CLASP2: variants seen among roughly 807,000 people sequenced by gnomAD.
CLASP2 encodes cytoplasmic linker associated protein 2, also known as CLIP-associating protein 2.
A neutral mutation model predicts 194.4 loss-of-function variants in CLASP2; 47 were observed. The observed-to-expected ratio is 0.24, with a 90% CI of 0.19 to 0.31. The LOEUF (loss-of-function observed/expected upper bound fraction) is 0.31. CLASP2 is among the 10% of genes least tolerant of loss of function. CLASP2 has a pLI of 1.00. For missense variants in CLASP2, 1,445 were observed against 1,823.6 expected (o/e 0.79, Z 3.78); for synonymous variants, 619 against 633.5 (o/e 0.98, Z 0.34).
intron 18 of CLASP2, among the ~76,000 whole-genome samples, chr3:33,602,220 G>C (rs1405320108): frequency 6.6e-6 from 1 of 151,992 alleles, no homozygotes; most frequent in East Asian, 1.9e-4. Flanking sequence ...TGCCACTTTG[G>C]CCAGGCTGGT....
chr3:33,709,251 C>A (rs2092882530), intron 1 of CLASP2, among the ~76,000 whole-genome samples: 1 of 152,094 alleles, frequency 6.6e-6, no homozygotes, highest in South Asian at 2.1e-4. Flanking sequence ...GCATTTAAGT[C>A]TTTAATCCAT....
chr3:33,625,227 A>C (rs1436573287), intron 10 of CLASP2, among the ~76,000 whole-genome samples: 2 of 151,466 alleles, frequency 1.3e-5, no homozygotes, highest in Non-Finnish European at 2.9e-5. Context: ...GCATTAGGAG[A>C]TATAACTAAT....
At chr3:33,674,445 T>C (rs1216291861) in intron 6 of CLASP2, among the ~76,000 whole-genome samples, 1 of 147,172 alleles carries the variant, frequency 6.8e-6, no homozygotes, top group Non-Finnish European at 1.5e-5. Context: ...TTCAAAGCAG[T>C]GTGTAGAGGG....
chr3:33,671,950 T>C (rs1431786257), intron 6 of CLASP2, among the ~76,000 whole-genome samples: 1 of 152,188 alleles, frequency 6.6e-6, no homozygotes, highest in Non-Finnish European at 1.5e-5. Context: ...AAGCTCCAAC[T>C]GGGTGGAGCC....
At chr3:33,567,037 G>A (rs2062864550) in intron 26 of CLASP2, among the ~76,000 whole-genome samples, 3 of 152,138 alleles carry the variant, frequency 2.0e-5, no homozygotes, top group African/African-American at 7.2e-5. Context: ...AATCCTTGAG[G>A]TTAAACATCT....
intron 6 of CLASP2, among the ~76,000 whole-genome samples, chr3:33,678,417 C>G (rs1228849316): frequency 1.3e-5 from 2 of 152,088 alleles, no homozygotes; most frequent in Non-Finnish European, 2.9e-5. Context: ...AAGATAAAAA[C>G]TACATCCCAC....
At chr3:33,668,213 C>T (rs2086550021) in intron 6 of CLASP2, among the ~76,000 whole-genome samples, 1 of 151,892 alleles carries the variant, frequency 6.6e-6, no homozygotes, top group Admixed American at 6.6e-5. Flanking sequence ...TGCGAGACTC[C>T]AACTCAAAAA....
At chr3:33,711,675 GAA>G (rs112686664) in intron 1 of CLASP2, among the ~76,000 whole-genome samples, 1 of 149,754 alleles carries the variant, frequency 6.7e-6, no homozygotes, top group Admixed American at 6.6e-5. Flanking sequence ...AATCAGCAAG[GAA>G]AAAAAAACCA....
chr3:33,702,574 A>T (rs1468235773), intron 1 of CLASP2, among the ~76,000 whole-genome samples: 1 of 152,184 alleles, frequency 6.6e-6, no homozygotes, highest in Non-Finnish European at 1.5e-5. Flanking sequence ...CATAAAAAGC[A>T]TAAACAACAA....
intron 32 of CLASP2, among the ~76,000 whole-genome samples, chr3:33,539,862 A>G (rs2058040360): frequency 6.6e-6 from 1 of 152,246 alleles, no homozygotes; most frequent in East Asian, 1.9e-4. Flanking sequence ...ACAAAGAGAT[A>G]AATGTATTTT....
chr3:33,608,666 G>C (rs1167401982), intron 13 of CLASP2, 40 bp from the exon 14 acceptor site: 1 of 1,322,142 alleles, frequency 7.6e-7, no homozygotes, highest in South Asian at 1.2e-5. Context: ...ATGTTGTATT[G>C]AGAAATACAT....
At chr3:33,572,745 T>G (rs1464647339) in intron 25 of CLASP2, among the ~76,000 whole-genome samples, 1 of 152,128 alleles carries the variant, frequency 6.6e-6, no homozygotes, top group Admixed American at 6.5e-5. Flanking sequence ...ATAAACATTC[T>G]TCTTCTCATT....
chr3:33,647,677 G>C (rs552638660), intron 7 of CLASP2, among the ~76,000 whole-genome samples: 1 of 152,254 alleles, frequency 6.6e-6, no homozygotes, highest in South Asian at 2.1e-4. Context: ...AAAAACAGGA[G>C]GGCAGATGGT....
chr3:33,549,986 C>T (rs1249625904), intron 30 of CLASP2, among the ~76,000 whole-genome samples: 4 of 152,234 alleles, frequency 2.6e-5, no homozygotes, highest in Non-Finnish European at 5.9e-5. Flanking sequence ...ATCTGCCTGC[C>T]TCAGCCTACC....
chr3:33,528,998 C>T (rs147803905), intron 34 of CLASP2, among the ~76,000 whole-genome samples: 5 of 152,194 alleles, frequency 3.3e-5, no homozygotes, highest in Admixed American at 2.6e-4. Flanking sequence ...AATCAACATA[C>T]GAAAATCACT....
chr3:33,558,568 AT>A (rs1322965504), intron 29 of CLASP2: 1 of 151,816 alleles, frequency 6.6e-6, no homozygotes, highest in Non-Finnish European at 1.5e-5. Context: ...TTTTTCTTTT[AT>A]GTAAAATTTA....
intron 27 of CLASP2, among the ~76,000 whole-genome samples, chr3:33,564,635 G>C (rs2062361626): frequency 6.6e-6 from 1 of 152,112 alleles, no homozygotes; most frequent in Non-Finnish European, 1.5e-5. Context: ...CTGTCACCCA[G>C]TCTGCAGTAC....
chr3:33,506,207 T>C (rs543330881), intron 37 of CLASP2, among the ~76,000 whole-genome samples: 6 of 151,750 alleles, frequency 4.0e-5, no homozygotes, highest in African/African-American at 1.4e-4. Context: ...ACCTTGTCTC[T>C]ACTAAAAACT....
At chr3:33,682,055 C>A (rs1253240290) in intron 6 of CLASP2, among the ~76,000 whole-genome samples, 1 of 152,136 alleles carries the variant, frequency 6.6e-6, no homozygotes, top group Admixed American at 6.5e-5. Flanking sequence ...TCACCAGAAG[C>A]CTAGCAAATG....
Sources: allele counts gnomAD v4.1 joint callset (sites outside exome capture counted in the v4.1 genomes callset), GRCh38; gene constraint gnomAD v4.1.1; transcripts MANE v1.5; gene names NCBI Gene and HGNC (gene_info 2026-07-23, HGNC 2026-07-21).